PLCE1: variants seen among roughly 807,000 people sequenced by gnomAD.
PLCE1 encodes the protein 1-phosphatidylinositol 4,5-bisphosphate phosphodiesterase epsilon-1.
In PLCE1, 119 loss-of-function variants were observed where a neutral mutation model predicts 242.8. The observed-to-expected ratio is 0.49, with a 90% CI of 0.42 to 0.57. The LOEUF (loss-of-function observed/expected upper bound fraction) is 0.57. Among genes scored for constraint, PLCE1 ranks in the 20% least tolerant of loss-of-function variants. The pLI, the probability that PLCE1 is intolerant of heterozygous loss-of-function variation, is 0.00. For synonymous variants in PLCE1, 945 were observed against 1,017.4 expected, an observed-to-expected ratio of 0.93 and a Z score of 1.35; for missense variants, 2,441 against 2,788.8, an observed-to-expected ratio of 0.88 and a Z score of 2.81.
intron 30 of PLCE1, among the ~76,000 whole-genome samples, chr10:94,324,045 G>A (rs1436431167): frequency 6.6e-6 from 1 of 152,096 alleles, no homozygotes; most frequent in East Asian, 1.9e-4. Context: ...GACCTTTATT[G>A]TTACTATTAT....
At chr10:94,231,310 T>C (rs192164676) in intron 5 of PLCE1, among the ~76,000 whole-genome samples, 34 of 152,310 alleles carry the variant, frequency 2.2e-4, no homozygotes, top group African/African-American at 7.9e-4. Context: ...ATTCACTTCA[T>C]TTGTTTGTAA....
chr10:94,150,924 T>C (rs1326500794), intron 3 of PLCE1, among the ~76,000 whole-genome samples: 1 of 152,102 alleles, frequency 6.6e-6, no homozygotes, highest in African/African-American at 2.4e-5. Flanking sequence ...CTAGTGGGCA[T>C]GGGGGTTCAC....
intron 3 of PLCE1, among the ~76,000 whole-genome samples, chr10:94,137,009 G>T (rs1353360208): frequency 1.3e-5 from 2 of 152,164 alleles, no homozygotes; most frequent in Non-Finnish European, 2.9e-5. Context: ...TGGCTAACAT[G>T]GTGAAACCCC....
intron 1 of PLCE1, among the ~76,000 whole-genome samples, chr10:94,008,667 T>C (rs963396396): frequency 2.4e-4 from 37 of 152,296 alleles, no homozygotes; most frequent in African/African-American, 8.2e-4. Context: ...TGTTTCCAAC[T>C]TTTACATCTG....
At chr10:94,166,915 C>G (rs1213281769) in intron 3 of PLCE1, among the ~76,000 whole-genome samples, 7 of 152,050 alleles carry the variant, frequency 4.6e-5, no homozygotes, top group Non-Finnish European at 1.0e-4. Context: ...TGATTATGAC[C>G]AAGCTACGGG....
At chr10:94,317,055 A>G (rs1320028746) in intron 29 of PLCE1, among the ~76,000 whole-genome samples, 2 of 152,212 alleles carry the variant, frequency 1.3e-5, no homozygotes, top group Non-Finnish European at 2.9e-5. Flanking sequence ...GTTCAAGACC[A>G]GCCTGGCCAA....
At chr10:94,164,269 C>T (rs1280259500) in intron 3 of PLCE1, among the ~76,000 whole-genome samples, 5 of 152,288 alleles carry the variant, frequency 3.3e-5, no homozygotes, top group African/African-American at 1.2e-4. Flanking sequence ...TTCCATTCTC[C>T]CCATCACTTT....
Position 94,132,357 on chromosome 10 carries a change from C to T in PLCE1, c.1390C>T (p.Gln464Ter). Residue 464 changes from glutamine to a stop codon, truncating the protein, a stop_gained, in exon 3 of 33, where the codon CAG becomes TAG. Transcript: ENST00000371380. LOFTEE classifies it high-confidence loss of function. ...CACCCTCCAAAGGACTTCAATATCG[C>T]AGTACATCACCGGTTCTCTCCTAGA... Reference protein sequence around the residue: ...RATLQRTSISQYITGSLLEAT... With the variant: ...RATLQRTSIS 1 of 1,614,026 alleles carries T rather than the reference C, an allele frequency of 6.2e-7. No individual in the cohort carries two copies. Among genetic ancestry groups the T allele is most frequent in the Non-Finnish European group, 8.5e-7 (1 of 1,179,972 alleles).
At position 94,280,012 on chromosome 10, in the gene PLCE1, A is replaced by G. The variant is rs547683788; in HGVS notation, c.4795+101A>G. ...GTCTAGAGCGCCAAAGACCAGTAAT[A>G]CGGATGGTTGTAATATTGTCCAGGA... On this transcript the variant is annotated intron_variant, in intron 20 of 32. Coordinates refer to ENST00000371380, the MANE Select transcript of PLCE1 (RefSeq NM_016341.4). The G allele has an allele frequency of 1.0e-4, 124 of 1,192,330 alleles. 2 individuals are homozygous for G. In the South Asian group the frequency reaches 1.5e-3, roughly 14 times the overall value. The allele number at this position is 1,192,330 out of a possible 1,614,324, so 73.9% of individuals were successfully genotyped here.
At chr10:94,264,318 G>A (rs1476898305) in intron 14 of PLCE1, among the ~76,000 whole-genome samples, 2 of 152,000 alleles carry the variant, frequency 1.3e-5, no homozygotes, top group Non-Finnish European at 2.9e-5. Context: ...GCAAGCTGGG[G>A]GTTTATGAGG....
intron 2 of PLCE1, among the ~76,000 whole-genome samples, chr10:94,112,333 A>G (rs2045981791): frequency 6.6e-6 from 1 of 152,208 alleles, no homozygotes; most frequent in South Asian, 2.1e-4. Flanking sequence ...TGATTTTTCT[A>G]GGTCAAAAAC....
intron 3 of PLCE1, among the ~76,000 whole-genome samples, chr10:94,140,787 A>G (rs541047494): frequency 6.6e-6 from 1 of 152,378 alleles, no homozygotes; most frequent in South Asian, 2.1e-4. Context: ...CATAGCTCTA[A>G]TTCCAAGATT....
chr10:94,105,296 G>C (rs2045686824), intron 2 of PLCE1: 1 of 152,220 alleles, frequency 6.6e-6, no homozygotes, highest in African/African-American at 2.4e-5. Context: ...CTGAAAAGCT[G>C]GTGTTCCTGC....
At chr10:94,323,352 A>G (rs2053890935) in intron 30 of PLCE1, among the ~76,000 whole-genome samples, 1 of 152,236 alleles carries the variant, frequency 6.6e-6, no homozygotes, top group Admixed American at 6.5e-5. Context: ...GTTAGATTCA[A>G]ATCCCAGCTC....
intron 2 of PLCE1, among the ~76,000 whole-genome samples, chr10:94,058,008 G>C (rs2043953255): frequency 6.6e-6 from 1 of 152,136 alleles, no homozygotes; most frequent in African/African-American, 2.4e-5. Context: ...TTGAGAACCA[G>C]TGAACTAGAT....
chr10:94,215,962 A>C (rs1326984181), intron 4 of PLCE1, among the ~76,000 whole-genome samples: 1 of 152,072 alleles, frequency 6.6e-6, no homozygotes. Context: ...AGCCACAAGA[A>C]ACACAGCATT....
chr10:94,142,558 G>T (rs2047003580), intron 3 of PLCE1, among the ~76,000 whole-genome samples: 1 of 152,080 alleles, frequency 6.6e-6, no homozygotes, highest in Non-Finnish European at 1.5e-5. Context: ...AAAACAGCTT[G>T]GCATAGTATC....
chr10:94,296,583 G>A (rs938298587), intron 23 of PLCE1, among the ~76,000 whole-genome samples: 3 of 152,058 alleles, frequency 2.0e-5, no homozygotes, highest in African/African-American at 4.8e-5. Flanking sequence ...TCATAAAACA[G>A]AAGAGAGTTC....
chr10:94,266,468 T>C (rs2051520902), intron 16 of PLCE1, among the ~76,000 whole-genome samples: 1 of 152,180 alleles, frequency 6.6e-6, no homozygotes, highest in African/African-American at 2.4e-5. Flanking sequence ...CTTTAGGCAC[T>C]GTCCCTACAC....
Sources: allele counts gnomAD v4.1 joint callset (sites outside exome capture counted in the v4.1 genomes callset), GRCh38; gene constraint gnomAD v4.1.1; transcripts MANE v1.5; gene names NCBI Gene and HGNC (gene_info 2026-07-23, HGNC 2026-07-21).